Variants in GNG7 observed in about 807,000 individuals in gnomAD.
GNG7 encodes G protein subunit gamma 7.
In GNG7, 1 loss-of-function variant was observed where a neutral mutation model predicts 4.0. That is an observed-to-expected ratio of 0.25 (90% confidence interval 0.09 to 1.18). The LOEUF (loss-of-function observed/expected upper bound fraction) is 1.18, where lower values mean the gene tolerates loss of function less well. GNG7 is among the 50% of genes most tolerant of loss of function. GNG7 has a pLI of 0.50. For missense variants in GNG7, 86 were observed against 91.9 expected (o/e 0.94, Z 0.26); for synonymous variants, 34 against 36.9 (o/e 0.92, Z 0.29).
intron 3 of GNG7, among the ~76,000 whole-genome samples, chr19:2,527,733 C>A (rs1387496651): frequency 1.3e-5 from 2 of 151,786 alleles, no homozygotes; most frequent in African/African-American, 2.4e-5. Context: ...CTGCAGGGTG[C>A]TGGGCAGCAT....
At chr19:2,567,331 T>TGTGTGTGTGTGTGTGTGTGTGTG (rs140297869) in intron 2 of GNG7, among the ~76,000 whole-genome samples, 5 of 137,172 alleles carry the variant, frequency 3.6e-5, no homozygotes, top group Admixed American at 7.5e-5. Flanking sequence ...TGTCGTCGAT[T>TGTGTGTGTGTGTGTGTGTGTGTG]TGTGTGTGTG....
At chr19:2,590,750 C>T (rs1980827588) in intron 2 of GNG7, among the ~76,000 whole-genome samples, 1 of 151,206 alleles carries the variant, frequency 6.6e-6, no homozygotes, top group African/African-American at 2.4e-5. Context: ...CCCACCCATC[C>T]ACCCACCTAA....
chr19:2,672,305 G>T (rs1295746477), intron 1 of GNG7, among the ~76,000 whole-genome samples: 1 of 152,076 alleles, frequency 6.6e-6, no homozygotes, highest in Non-Finnish European at 1.5e-5. Flanking sequence ...GCAGGCGTGA[G>T]CCACTGCACC....
At chr19:2,610,937 A>G (rs2144822122) in intron 2 of GNG7, 1 of 119,798 alleles carries the variant, frequency 8.3e-6, no homozygotes, top group African/African-American at 3.2e-5. Context: ...TGACACTTTC[A>G]GTTCCTATCA....
chr19:2,524,909 C>T (rs921370596), intron 3 of GNG7, among the ~76,000 whole-genome samples: 2 of 152,024 alleles, frequency 1.3e-5, no homozygotes, highest in African/African-American at 2.4e-5. Flanking sequence ...CATGCGTGTG[C>T]GTGTGTGTGC....
rs1005732834 is a variant in GNG7 at position 2,665,369 on chromosome 19, G to C, written c.-134-19089C>G. Among the ~76,000 whole-genome samples, 2 of 151,976 alleles carry C rather than the reference G, an allele frequency of 1.3e-5. 1 individual carries two copies. Among genetic ancestry groups the C allele is most frequent in the Non-Finnish European group, 2.9e-5 (2 of 67,964 alleles). ...CATGGCCCAGTGTCCCCTGGGGGGG[G>C]GGGGGCAGGATCACCCTGCCGTGCT... On this transcript the variant is annotated intron_variant, in intron 1 of 4. Transcript: ENST00000382159.
intron 1 of GNG7, among the ~76,000 whole-genome samples, chr19:2,685,385 A>T (rs1340239681): frequency 1.3e-5 from 2 of 152,088 alleles, no homozygotes; most frequent in African/African-American, 2.4e-5. Flanking sequence ...GCACTTTGGG[A>T]GGCCGAGGCT....
rs577371751 is a variant in GNG7, at chr19:2,577,265, T to C, written c.-77-22077A>G. Among the ~76,000 whole-genome samples the C allele has an allele frequency of 3.0e-4, 46 of 152,270 alleles. No individual in the cohort carries two copies. In the South Asian group the frequency reaches 9.1e-3, roughly 30 times the overall value. Reference sequence around the variant, plus strand: ...GTTCAGGGTACCCCCAGGGCTGCAGTCTGGGTGTTGGTTGGGGCTGCGTCT... The same window carrying C: ...GTTCAGGGTACCCCCAGGGCTGCAGCCTGGGTGTTGGTTGGGGCTGCGTCT... On this transcript the variant is annotated intron_variant, in intron 2 of 4. Transcript: ENST00000382159.
intron 1 of GNG7, among the ~76,000 whole-genome samples, chr19:2,672,050 CAAAAAAA>C (rs528016536): frequency 2.3e-5 from 2 of 87,194 alleles, no homozygotes; most frequent in Admixed American, 2.7e-4. Flanking sequence ...GACTCCGTCT[CAAAAAAA>C]AAAAAAAAAA....
intron 2 of GNG7, among the ~76,000 whole-genome samples, chr19:2,579,880 C>T (rs987368989): frequency 2.6e-5 from 4 of 152,104 alleles, no homozygotes; most frequent in African/African-American, 9.7e-5. Context: ...GTTCTGGAGG[C>T]CAGAAGTCCA....
chr19:2,557,508 C>T lies in GNG7; in HGVS notation c.-77-2320G>A, dbSNP rs1979602826. Among the ~76,000 whole-genome samples, 1 of 152,230 alleles carries T rather than the reference C, an allele frequency of 6.6e-6. No individual in the cohort carries two copies. The highest frequency in any genetic ancestry group is 2.1e-4 in the South Asian group (1 of 4,834). On this transcript the variant is annotated intron_variant, in intron 2 of 4. Transcript: ENST00000382159. The surrounding 1 kb of genome is among the most constrained non-coding windows in gnomAD (Gnocchi z 5.1). The stretch of plus-strand genomic sequence containing the variant: ...CTCCTCCTGCCCAAAGGCACCTGCA[C>T]TCACAAAAGACTCAGAGGCTCCGCC...
chr19:2,571,992 C>T (rs769404884), intron 2 of GNG7, among the ~76,000 whole-genome samples: 4 of 151,982 alleles, frequency 2.6e-5, no homozygotes, highest in African/African-American at 4.8e-5. Context: ...GCCACATTGT[C>T]CCTCTCTCTT....
At chr19:2,520,874 C>T in intron 3 of GNG7, 149 bp from the exon 4 acceptor site, 1 of 571,502 alleles carries the variant, frequency 1.7e-6, no homozygotes, top group Non-Finnish European at 3.1e-6. Context: ...GTACAAAGAG[C>T]TGGCACTCGT....
chr19:2,584,706 GGGAAGTAA>G (rs1980599636), intron 2 of GNG7, among the ~76,000 whole-genome samples: 4 of 77,228 alleles, frequency 5.2e-5, no homozygotes, highest in African/African-American at 5.7e-5. Context: ...GAGGGAGGGA[GGGAAGTAA>G]GGAAGGAAGG....
chr19:2,601,663 A>C (rs1470583592), intron 2 of GNG7, among the ~76,000 whole-genome samples: 2 of 151,864 alleles, frequency 1.3e-5, no homozygotes, highest in Non-Finnish European at 2.9e-5. Flanking sequence ...CTGTAATCCC[A>C]AGCACGTTGG....
chr19:2,591,720 C>T (rs192160357), intron 2 of GNG7, among the ~76,000 whole-genome samples: 7 of 152,120 alleles, frequency 4.6e-5, no homozygotes, highest in East Asian at 1.9e-4. Flanking sequence ...AGTGTTAGTG[C>T]CTGTCATATG....
intron 1 of GNG7, among the ~76,000 whole-genome samples, chr19:2,683,871 C>G (rs909223474): frequency 1.3e-5 from 2 of 152,174 alleles, no homozygotes; most frequent in African/African-American, 4.8e-5. Flanking sequence ...AAGAAAGGAG[C>G]TCCTGCAGGG....
At chr19:2,700,409 C>G (rs571266532) in intron 1 of GNG7, among the ~76,000 whole-genome samples, 1 of 152,280 alleles carries the variant, frequency 6.6e-6, no homozygotes, top group East Asian at 1.9e-4. Context: ...TCCCAAAGCG[C>G]GGGGATTACA....
At chr19:2,635,732 G>A (rs1000906533) in intron 2 of GNG7, among the ~76,000 whole-genome samples, 16 of 152,228 alleles carry the variant, frequency 1.1e-4, no homozygotes, top group Non-Finnish European at 2.2e-4. Context: ...GCAGGCGCCC[G>A]CCACCACACC....
Sources: gnomAD v4.1 joint callset for allele counts (sites outside exome capture counted in the v4.1 genomes callset) on GRCh38, gnomAD v4.1.1 for gene constraint, Gnocchi (gnomAD v3.1) non-coding constraint, MANE v1.5 for transcripts, NCBI Gene and HGNC (gene_info 2026-07-23, HGNC 2026-07-21) for gene names.